Variants in NIBAN3 observed in about 807,000 individuals in gnomAD.
NIBAN3 encodes protein Niban 3.
Under a neutral mutation model 76.4 loss-of-function variants are expected in NIBAN3, and 66 were observed. The observed-to-expected ratio is 0.86, with a 90% CI of 0.71 to 1.06. NIBAN3 has a LOEUF of 1.06. NIBAN3 is among the 50% of genes least tolerant of loss of function. The pLI, the probability that NIBAN3 is intolerant of heterozygous loss-of-function variation, is 0.00. For missense variants in NIBAN3, 808 were observed against 810.7 expected (o/e 1.00, Z 0.04); for synonymous variants, 360 against 355.2 (o/e 1.01, Z -0.15).
At chr19:17,544,627 C>T (rs1406263769) in intron 12 of NIBAN3, among the ~76,000 whole-genome samples, 1 of 152,208 alleles carries the variant, frequency 6.6e-6, no homozygotes, top group African/African-American at 2.4e-5. Context: ...CTGACCATGC[C>T]TGGTGTGTTG....
intron 4 of NIBAN3, among the ~76,000 whole-genome samples, chr19:17,535,440 A>C (rs1044150519): frequency 1.3e-5 from 2 of 151,870 alleles, no homozygotes; most frequent in Non-Finnish European, 2.9e-5. Flanking sequence ...CAGAGCCAGG[A>C]GCTGTCTCTA....
In NIBAN3 at chr19:17,546,745, G is replaced by C. The variant is rs1251197758; in HGVS notation, c.1614G>C (p.Glu538Asp). The C allele has an allele frequency of 1.9e-6, 3 of 1,606,052 alleles. No homozygotes were observed. The highest frequency in any genetic ancestry group is 3.4e-5 in the Admixed American group (2 of 58,568). Residue 538 changes from glutamate (E) to aspartate (D), a missense_variant, in exon 13 of 15, where the codon GAG (glutamate) becomes GAC (aspartate). Glu to Asp is a conservative substitution (Grantham distance 45). Transcript: ENST00000599164. Reference protein sequence around the residue: ...LAVGSQALTTEGIYEDVIRGC... With the variant: ...LAVGSQALTTDGIYEDVIRGC... The stretch of plus-strand genomic sequence containing the variant: ...TGGGCAGCCAGGCTCTGACCACTGA[G>C]GGCATCTATGAGGACGTCATCCGGG...
chr19:17,530,686 T>C, intron 1 of NIBAN3, 69 bp from the exon 2 acceptor site: 2 of 1,490,372 alleles, frequency 1.3e-6, no homozygotes, highest in South Asian at 2.7e-5. Flanking sequence ...CCTGTCTGTT[T>C]TGCCCTCCCC....
In NIBAN3 at chr19:17,540,416, C is replaced by A; in HGVS notation, c.1004C>A (p.Ser335Ter). Residue 335 changes from serine (S) to a stop codon, truncating the protein, a stop_gained, in exon 9 of 15, where the codon TCG becomes TAG. Transcript: ENST00000599164. LOFTEE classifies it high-confidence loss of function. ...GCGGATATCAGGGGACCGCTCGAGT[C>A]GTGCCTGCGCCGGGAGGTGGACCCG... ...LRTDIRGPLE[S>*]CLRREVDPQL... is the part of the protein sequence containing the mutation. 3 of 1,518,332 alleles carry A rather than the reference C, an allele frequency of 2.0e-6. No homozygotes were observed. Among genetic ancestry groups the A allele is most frequent in the Non-Finnish European group, 2.7e-6 (3 of 1,130,538 alleles). 94.1% of individuals were successfully genotyped at this position (1,518,332 alleles called of 1,614,324 possible).
chr19:17,543,991 CAA>C (rs11313110), intron 12 of NIBAN3: 219 of 64,294 alleles, frequency 3.4e-3, no homozygotes, highest in South Asian at 0.011. Flanking sequence ...AACTCAGTCT[CAA>C]AAAAAAAAAA....
chr19:17,532,215 G>A, intron 2 of NIBAN3, 48 bp from the exon 3 acceptor site: 1 of 1,567,900 alleles, frequency 6.4e-7, no homozygotes, highest in Non-Finnish European at 8.6e-7. Context: ...GGGCCACAGG[G>A]ACATCAGCCC....
upstream of NIBAN3, among the ~76,000 whole-genome samples, chr19:17,525,814 CCTT>C (rs1243295632): frequency 1.1e-4 from 16 of 152,108 alleles, no homozygotes; most frequent in African/African-American, 3.9e-4. Context: ...AAAAGGGACA[CCTT>C]CGCTGGGTGA....
At chr19:17,525,451 G>A (rs139838039), upstream of NIBAN3, among the ~76,000 whole-genome samples, 633 of 152,276 alleles carry the variant, frequency 4.2e-3, 1 homozygote, top group Admixed American at 0.011. Context: ...GGGTGGAGAC[G>A]CCCAACTAAC....
rs150918693 is a variant in NIBAN3 at position 17,530,834 on chromosome 19, T to A, written c.135T>A (p.Ser45=). 1.7e-5 allele frequency: 27 copies of A among 1,613,560 alleles called. No individual in the cohort carries two copies. The highest frequency in any genetic ancestry group is 1.9e-5 in the Non-Finnish European group (23 of 1,179,946). Residue 45 remains serine, a synonymous_variant, in exon 2 of 15, where the codon TCT becomes TCA. Coordinates refer to ENST00000599164, the MANE Select transcript of NIBAN3 (RefSeq NM_001321827.2). Reference sequence around the variant, plus strand: ...CAGCGTCTGTCCTGCGGCAGATCTCTCGAGAGCTGGGCCCTCAGGAGCCGA... The same window carrying A: ...CAGCGTCTGTCCTGCGGCAGATCTCACGAGAGCTGGGCCCTCAGGAGCCGA... ...QLAASVLRQI[S]RELGPQEPTG...
chr19:17,539,781 G>C lies in NIBAN3; in HGVS notation c.979+16G>C. 6.6e-7 allele frequency: 1 copy of C among 1,506,700 alleles called. No homozygotes were observed. 93.3% of individuals were successfully genotyped at this position (1,506,700 alleles called of 1,614,324 possible). On this transcript the variant is annotated intron_variant, in intron 8 of 14. Transcript: ENST00000599164. Reference sequence around the variant, plus strand: ...CGGCTGAGGAGTGAGGCCCTGGGGCGGAGCCTGGGCTGGGAGGGGCGAGGC... The same window carrying C: ...CGGCTGAGGAGTGAGGCCCTGGGGCCGAGCCTGGGCTGGGAGGGGCGAGGC...
At chr19:17,527,894 A>G (rs764825865) in intron 1 of NIBAN3, among the ~76,000 whole-genome samples, 4 of 151,650 alleles carry the variant, frequency 2.6e-5, no homozygotes, top group Non-Finnish European at 4.4e-5. Context: ...GGGTCTCACT[A>G]TGTTGCCCAG....
rs745788536 is a variant in NIBAN3, at chr19:17,540,444, G to T, written c.1032G>T (p.Gln344His). The T allele has an allele frequency of 2.0e-5, 31 of 1,553,670 alleles. No homozygotes were observed. Among genetic ancestry groups the T allele is most frequent in the Non-Finnish European group, 2.5e-5 (29 of 1,149,734 alleles). ...GCCTGCGCCGGGAGGTGGACCCGCA[G>T]CTGCCCCGGGTCGTGCAGACCCTGC... ...ESCLRREVDP[Q>H]LPRVVQTLLR... is the part of the protein sequence containing the mutation. The change falls in exon 9 of 15, where the codon CAG (glutamine) becomes CAT (histidine). Residue 344 changes from glutamine to histidine, a missense_variant. By Grantham distance (24) the Gln-to-His change is conservative (BLOSUM62 0). Coordinates refer to ENST00000599164, the MANE Select transcript of NIBAN3 (RefSeq NM_001321827.2).
intron 1 of NIBAN3, among the ~76,000 whole-genome samples, chr19:17,528,890 T>A (rs2075660223): frequency 6.6e-6 from 1 of 151,786 alleles, no homozygotes; most frequent in Non-Finnish European, 1.5e-5. Flanking sequence ...ATGGTGAGAA[T>A]GATGGGAGAG....
chr19:17,531,772 G>T (rs1048557325), intron 2 of NIBAN3, among the ~76,000 whole-genome samples: 2 of 152,150 alleles, frequency 1.3e-5, no homozygotes, highest in African/African-American at 2.4e-5. Context: ...GACCTCAAGT[G>T]ATCTCCCCAC....
intron 13 of NIBAN3, among the ~76,000 whole-genome samples, chr19:17,548,543 G>T (rs952348415): frequency 6.6e-5 from 10 of 152,118 alleles, no homozygotes; most frequent in South Asian, 2.1e-4. Flanking sequence ...GAAGGAGAGG[G>T]GTTCCACAAG....
Position 17,539,711 on chromosome 19 carries a change from C to A in NIBAN3, c.925C>A (p.Pro309Thr). 6.5e-7 allele frequency: 1 copy of A among 1,549,442 alleles called. No individual in the cohort carries two copies. ...TGCGTCGCTGGAGAAGACGATCCGC[C>A]CGGACGTGGACCAGCTGCTGCGGCA... ...LLASLEKTIRPDVDQLLRQRA... is the reference protein window; with the variant it reads ...LLASLEKTIRTDVDQLLRQRA... The change falls in exon 8 of 15, where the codon CCG (proline) becomes ACG (threonine). Residue 309 changes from proline (P) to threonine (T), a missense_variant. Pro to Thr is a conservative substitution (Grantham distance 38). Coordinates refer to ENST00000599164, the MANE Select transcript of NIBAN3 (RefSeq NM_001321827.2).
At position 17,537,326 on chromosome 19, in the gene NIBAN3, T is replaced by G. The variant is rs147779584; in HGVS notation, c.428-50T>G. On this transcript the variant is annotated intron_variant, in intron 4 of 14. Coordinates refer to ENST00000599164, the MANE Select transcript of NIBAN3 (RefSeq NM_001321827.2). ...TGCTGTATGCATTTCAGGGGTATTT[T>G]CTCCTAGTGAATGAACGTCTAGAAG... 155 of 1,579,426 alleles carry G rather than the reference T, an allele frequency of 9.8e-5. No individual in the cohort carries two copies. The African/African-American group carries it at 1.8e-3, about 19-fold the overall frequency.
intron 12 of NIBAN3, chr19:17,545,959 GT>G: frequency 4.5e-6 from 2 of 442,452 alleles, no homozygotes; most frequent in Non-Finnish European, 9.1e-6. Context: ...AGTAGCCGGT[GT>G]TTTTCCTTGA....
rs953948137 is a variant in NIBAN3 at position 17,552,690 on chromosome 19, G to C, written c.*792G>C. 1.3e-5 allele frequency: 2 copies of C among 152,104 alleles called. No individual in the cohort carries two copies. The highest frequency in any genetic ancestry group is 4.8e-5 in the African/African-American group (2 of 41,498). 9.4% of individuals were successfully genotyped at this position (152,104 alleles called of 1,614,324 possible). ...GCACACCTGTAATCCCAGCACTTTG[G>C]GAGGCTGAGGCGGGCAGATCACTTG... On this transcript the variant is annotated 3_prime_UTR_variant, in exon 15 of 15. Coordinates refer to ENST00000599164, the MANE Select transcript of NIBAN3 (RefSeq NM_001321827.2).
Sources: allele counts gnomAD v4.1 joint callset (sites outside exome capture counted in the v4.1 genomes callset), GRCh38; gene constraint gnomAD v4.1.1; transcripts MANE v1.5; gene names NCBI Gene and HGNC (gene_info 2026-07-23, HGNC 2026-07-21).